The following TMEM196 variants were observed in gnomAD, a reference collection of about 807,000 sequenced individuals.
The protein encoded by TMEM196 is transmembrane protein 196.
TMEM196 carries 17 observed loss-of-function variants against 20.0 expected under a neutral mutation model. The observed-to-expected ratio is 0.85, with a 90% CI of 0.58 to 1.27. The LOEUF is 1.27. TMEM196 is among the 50% of genes most tolerant of loss of function. The probability of loss-of-function intolerance (pLI) is 0.00; values close to 1 mark genes in which losing one functional copy is unlikely to be tolerated. For synonymous variants in TMEM196, 113 were observed against 88.9 expected, an observed-to-expected ratio of 1.27 and a Z score of -1.52; for missense variants, 267 against 223.0, an observed-to-expected ratio of 1.20 and a Z score of -1.26.
At chr7:19,763,094 A>G (rs1051945612) in intron 1 of TMEM196, among the ~76,000 whole-genome samples, 1 of 152,108 alleles carries the variant, frequency 6.6e-6, no homozygotes, top group Non-Finnish European at 1.5e-5. Flanking sequence ...AGACTCCTAC[A>G]CATATTTCTC....
At chr7:19,749,489 C>A (rs1294651641) in intron 1 of TMEM196, among the ~76,000 whole-genome samples, 4 of 152,136 alleles carry the variant, frequency 2.6e-5, no homozygotes, top group Non-Finnish European at 2.9e-5. Context: ...TTGGTAATAA[C>A]CCAGAGCAAT....
intron 1 of TMEM196, among the ~76,000 whole-genome samples, chr7:19,730,560 G>C (rs965971642): frequency 1.3e-5 from 2 of 152,134 alleles, no homozygotes; most frequent in African/African-American, 4.8e-5. Context: ...ATTTTTATTC[G>C]CAAAGAGAAC....
intron 1 of TMEM196, among the ~76,000 whole-genome samples, chr7:19,763,760 T>C (rs866060686): frequency 6.6e-6 from 1 of 152,150 alleles, no homozygotes; most frequent in Non-Finnish European, 1.5e-5. Flanking sequence ...ATGCATCCCA[T>C]TGTTGTGGGT....
intron 4 of TMEM196, 30 bp downstream of exon 4, chr7:19,724,250 A>G (rs1388952668): frequency 1.3e-6 from 2 of 1,545,636 alleles, no homozygotes; most frequent in Non-Finnish European, 1.8e-6. Flanking sequence ...GCGACATTAC[A>G]ACATGGTAAC....
rs1374374234 is a variant in TMEM196 at position 19,721,059 on chromosome 7, G to A, written c.*1069C>T. The A allele has an allele frequency of 1.3e-5, 2 of 151,790 alleles. No individual in the cohort carries two copies. Among genetic ancestry groups the A allele is most frequent in the Non-Finnish European group, 3.0e-5 (2 of 67,794 alleles). The allele number at this position is 151,790 out of a possible 1,614,324, so 9.4% of individuals were successfully genotyped here. ...TAATCATAGTGAAATAGTCAAATAAGTAGTCTATCTGTATACTACACTATT... is the reference window on the plus strand; with the variant it reads ...TAATCATAGTGAAATAGTCAAATAAATAGTCTATCTGTATACTACACTATT... On this transcript the variant is annotated 3_prime_UTR_variant, in exon 5 of 5. Coordinates refer to ENST00000405844, the MANE Select transcript of TMEM196 (RefSeq NM_001363562.2).
chr7:19,734,881 T>C (rs1784343667), intron 1 of TMEM196, among the ~76,000 whole-genome samples: 1 of 152,130 alleles, frequency 6.6e-6, no homozygotes, highest in Non-Finnish European at 1.5e-5. Context: ...AAAGAATTAC[T>C]GGAAGTAGTA....
At chr7:19,727,645 C>T (rs1316924999) in intron 2 of TMEM196, among the ~76,000 whole-genome samples, 1 of 152,112 alleles carries the variant, frequency 6.6e-6, no homozygotes, top group Non-Finnish European at 1.5e-5. Flanking sequence ...GGTGTTTACT[C>T]ATTCTCTGAA....
chr7:19,766,884 G>A lies in TMEM196; in HGVS notation c.147+5666C>T, dbSNP rs73682832. On this transcript the variant is annotated intron_variant, in intron 1 of 4. Transcript: ENST00000405844. ...TTTGGTTCTATTCAAAGTACACATT[G>A]GATAATCTGGCTCATAATTAAGGCA... 5.9e-3 allele frequency among the ~76,000 whole-genome samples: 898 copies of A among 152,016 alleles called. 11 individuals carry two copies. Among genetic ancestry groups the A allele is most frequent in the African/African-American group, 0.021 (861 of 41,504 alleles).
intron 1 of TMEM196, among the ~76,000 whole-genome samples, chr7:19,753,984 C>T (rs192476007): frequency 1.2e-4 from 18 of 152,316 alleles, no homozygotes; most frequent in Admixed American, 1.1e-3. Context: ...CTTCCTTGTG[C>T]ATCCACAGGA....
intron 1 of TMEM196, among the ~76,000 whole-genome samples, chr7:19,759,295 C>T (rs1046217866): frequency 2.0e-5 from 3 of 152,196 alleles, no homozygotes; most frequent in East Asian, 1.9e-4. Context: ...GAAGTCTCTC[C>T]TTCGGTCTTT....
intron 1 of TMEM196, among the ~76,000 whole-genome samples, chr7:19,760,724 A>G (rs1003569886): frequency 1.3e-5 from 2 of 152,076 alleles, no homozygotes; most frequent in Non-Finnish European, 2.9e-5. Flanking sequence ...CTCATTGTCT[A>G]TATTTCTTTT....
At chr7:19,736,784 A>C (rs980688867) in intron 1 of TMEM196, among the ~76,000 whole-genome samples, 2 of 152,004 alleles carry the variant, frequency 1.3e-5, no homozygotes, top group East Asian at 3.8e-4. Flanking sequence ...TGTTCAAAAC[A>C]TAAGGTCAAA....
intron 1 of TMEM196, among the ~76,000 whole-genome samples, chr7:19,743,744 A>C (rs1215755474): frequency 6.6e-6 from 1 of 152,156 alleles, no homozygotes. Flanking sequence ...ACTGGTTTTA[A>C]AGGAAAGCAA....
intron 1 of TMEM196, among the ~76,000 whole-genome samples, chr7:19,746,654 A>G (rs78351543): frequency 0.049 from 7,433 of 152,282 alleles, 614 homozygotes; most frequent in African/African-American, 0.17. Context: ...CAAAGAGACA[A>G]CCACACTATT....
intron 1 of TMEM196, among the ~76,000 whole-genome samples, chr7:19,761,140 C>G (rs2128037437): frequency 6.6e-6 from 1 of 152,302 alleles, no homozygotes; most frequent in African/African-American, 2.4e-5. Context: ...ACTTACAGAC[C>G]TCCTCAGTGG....
At chr7:19,767,818 T>A (rs1262916338) in intron 1 of TMEM196, among the ~76,000 whole-genome samples, 1 of 152,040 alleles carries the variant, frequency 6.6e-6, no homozygotes, top group East Asian at 1.9e-4. Context: ...TAGTTTCAAA[T>A]TGTGTACATT....
intron 1 of TMEM196, among the ~76,000 whole-genome samples, chr7:19,757,175 C>CA (rs2128034793): frequency 7.4e-6 from 1 of 134,386 alleles, no homozygotes; most frequent in African/African-American, 2.8e-5. Context: ...GCAGTAGATA[C>CA]TTTTTTTTTT....
At chr7:19,728,666 T>C (rs1366580719) in intron 2 of TMEM196, among the ~76,000 whole-genome samples, 2 of 152,210 alleles carry the variant, frequency 1.3e-5, no homozygotes, top group African/African-American at 4.8e-5. Context: ...TTTGTGTCTA[T>C]GTTCTTTCCC....
At chr7:19,744,158 C>T (rs7804141) in intron 1 of TMEM196, among the ~76,000 whole-genome samples, 1 of 152,054 alleles carries the variant, frequency 6.6e-6, no homozygotes, top group Admixed American at 6.6e-5. Flanking sequence ...GTTTCTGAGC[C>T]TCGTTGATTT....
Sources: gnomAD v4.1 joint callset for allele counts (sites outside exome capture counted in the v4.1 genomes callset) on GRCh38, gnomAD v4.1.1 for gene constraint, MANE v1.5 for transcripts, NCBI Gene and HGNC (gene_info 2026-07-23, HGNC 2026-07-21) for gene names.